ANKS1A: variants seen among roughly 807,000 people sequenced by gnomAD.
The protein encoded by ANKS1A is ankyrin repeat and SAM domain-containing protein 1A.
In ANKS1A, 55 loss-of-function variants were observed where a neutral mutation model predicts 120.3. The observed-to-expected ratio is 0.46, with a 90% CI of 0.37 to 0.57. The LOEUF (loss-of-function observed/expected upper bound fraction) is 0.57. ANKS1A is among the 20% of genes least tolerant of loss of function. The pLI is 0.00. For missense variants in ANKS1A, 1,123 were observed against 1,480.3 expected (o/e 0.76, Z 3.96); for synonymous variants, 590 against 604.7 (o/e 0.98, Z 0.36).
chr6:34,924,258 A>G (rs2473613), intron 1 of ANKS1A, among the ~76,000 whole-genome samples: 46,035 of 151,862 alleles, frequency 0.3, 9,696 homozygotes, highest in East Asian at 0.58. Flanking sequence ...ACTATCTTCA[A>G]GTTTCTTGTT....
Position 34,954,316 on chromosome 6 carries a change from C to G in ANKS1A, c.198-12923C>G, listed in dbSNP as rs150008896. On this transcript the variant is annotated intron_variant, in intron 1 of 23. Transcript: ENST00000360359. Reference sequence around the variant, plus strand: ...AGCAAATGTACAAGGAGGTTTCAAACAATTCGTCATTGCTCTTGGGAAACC... The same window carrying G: ...AGCAAATGTACAAGGAGGTTTCAAAGAATTCGTCATTGCTCTTGGGAAACC... Among the ~76,000 whole-genome samples the G allele has an allele frequency of 9.1e-4, 139 of 152,220 alleles. 1 individual carries two copies. The highest frequency in any genetic ancestry group is 3.2e-3 in the African/African-American group (134 of 41,520).
At chr6:35,080,653 C>T (rs1386450103) in intron 16 of ANKS1A, among the ~76,000 whole-genome samples, 2 of 152,248 alleles carry the variant, frequency 1.3e-5, no homozygotes, top group Admixed American at 1.3e-4. Context: ...GGATTGTATT[C>T]TGTTGGGGAC....
intron 1 of ANKS1A, among the ~76,000 whole-genome samples, chr6:34,941,255 G>A (rs1370139299): frequency 6.6e-6 from 1 of 152,076 alleles, no homozygotes; most frequent in Non-Finnish European, 1.5e-5. Flanking sequence ...CAAAGTGTTG[G>A]GATTACAGGT....
At chr6:35,067,848 T>G (rs974990537) in intron 13 of ANKS1A, among the ~76,000 whole-genome samples, 3 of 150,792 alleles carry the variant, frequency 2.0e-5, no homozygotes, top group African/African-American at 7.3e-5. Context: ...GATAGACTTA[T>G]GGGTAGCTTT....
intron 2 of ANKS1A, among the ~76,000 whole-genome samples, chr6:34,968,339 C>T (rs189038015): frequency 6.6e-6 from 1 of 152,180 alleles, no homozygotes; most frequent in Non-Finnish European, 1.5e-5. Flanking sequence ...GTGGGTTTGC[C>T]AGGATGTTGA....
chr6:35,071,732 G>C (rs1298659913), intron 13 of ANKS1A, among the ~76,000 whole-genome samples: 3 of 152,258 alleles, frequency 2.0e-5, no homozygotes, highest in Non-Finnish European at 4.4e-5. Flanking sequence ...TCTGCGGTTT[G>C]GATGTGTCAG....
intron 13 of ANKS1A, among the ~76,000 whole-genome samples, chr6:35,072,861 T>A (rs1265262863): frequency 1.3e-5 from 2 of 152,154 alleles, no homozygotes; most frequent in Non-Finnish European, 1.5e-5. Context: ...TCCTGCTGTC[T>A]GGCAGGCGTC....
intron 3 of ANKS1A, among the ~76,000 whole-genome samples, chr6:34,979,767 A>C (rs1406978282): frequency 6.6e-6 from 1 of 152,186 alleles, no homozygotes; most frequent in East Asian, 1.9e-4. Context: ...TGGAATTTTA[A>C]TAAGAATAAG....
intron 10 of ANKS1A, among the ~76,000 whole-genome samples, chr6:35,015,431 A>G (rs142112218): frequency 1.2e-3 from 180 of 152,328 alleles, no homozygotes; most frequent in Non-Finnish European, 2.2e-3. Flanking sequence ...CCCAGGAGGC[A>G]GAGGTTGCAG....
intron 11 of ANKS1A, among the ~76,000 whole-genome samples, chr6:35,019,424 G>A (rs1183256719): frequency 2.6e-5 from 4 of 152,230 alleles, no homozygotes; most frequent in African/African-American, 4.8e-5. Flanking sequence ...AAGGAACTGG[G>A]TTGGGGGTGG....
At chr6:34,956,713 T>C (rs1461360811) in intron 1 of ANKS1A, among the ~76,000 whole-genome samples, 1 of 152,200 alleles carries the variant, frequency 6.6e-6, no homozygotes, top group Non-Finnish European at 1.5e-5. Context: ...TGCTGGGATC[T>C]CATCATTCAA....
chr6:34,923,480 T>C (rs1178241940), intron 1 of ANKS1A, among the ~76,000 whole-genome samples: 2 of 152,208 alleles, frequency 1.3e-5, no homozygotes, highest in Non-Finnish European at 2.9e-5. Context: ...TTATCACATA[T>C]TGAATGCTTA....
chr6:34,962,847 C>T (rs183372271), intron 1 of ANKS1A, among the ~76,000 whole-genome samples: 1 of 150,958 alleles, frequency 6.6e-6, no homozygotes, highest in Admixed American at 6.6e-5. Flanking sequence ...GTGCTTTTTT[C>T]TTTCTTTCCT....
chr6:34,968,569 C>T (rs1581566536), intron 2 of ANKS1A, among the ~76,000 whole-genome samples: 1 of 152,132 alleles, frequency 6.6e-6, no homozygotes, highest in East Asian at 1.9e-4. Context: ...TCCTGAGTAG[C>T]TGGGATTACA....
Position 35,088,964 on chromosome 6 carries a change from A to C in ANKS1A, c.*355A>C. ...GGTCATACTGCCAATCTTTAGACAA[A>C]TGGCCATGGGGCAGAGGACAGGGGA... On this transcript the variant is annotated 3_prime_UTR_variant, in exon 24 of 24. Coordinates refer to ENST00000360359, the MANE Select transcript of ANKS1A (RefSeq NM_015245.3). 1 of 1,232,504 alleles carries C rather than the reference A, an allele frequency of 8.1e-7. No individual in the cohort carries two copies. Among genetic ancestry groups the C allele is most frequent in the Non-Finnish European group, 1.0e-6 (1 of 973,918 alleles). The allele number at this position is 1,232,504 out of a possible 1,614,324, so 76.3% of individuals were successfully genotyped here. A position where few individuals can be genotyped will look rare whatever the true frequency, so the allele number is the denominator to read the frequency against.
At chr6:35,012,832 A>AT (rs1036686977) in intron 10 of ANKS1A, among the ~76,000 whole-genome samples, 2 of 152,176 alleles carry the variant, frequency 1.3e-5, no homozygotes, top group Non-Finnish European at 2.9e-5. Context: ...TATGGGTAGC[A>AT]TAAGAAACAG....
At chr6:35,061,680 T>C (rs552263704) in intron 13 of ANKS1A, among the ~76,000 whole-genome samples, 37 of 152,390 alleles carry the variant, frequency 2.4e-4, no homozygotes, top group Non-Finnish European at 4.6e-4. Context: ...TTTTCAGCTT[T>C]TAGAAATCTT....
intron 1 of ANKS1A, among the ~76,000 whole-genome samples, chr6:34,894,114 C>T (rs866093750): frequency 2.6e-5 from 4 of 152,122 alleles, no homozygotes; most frequent in Non-Finnish European, 4.4e-5. Flanking sequence ...TGCATGCCTT[C>T]GGTCTATACC....
At chr6:34,983,010 G>A in intron 5 of ANKS1A, 103 bp from the exon 6 acceptor site, 2 of 1,307,604 alleles carry the variant, frequency 1.5e-6, no homozygotes, top group Non-Finnish European at 2.2e-6. Flanking sequence ...GATGAAAAAT[G>A]TTGGCCATGC....
Sources: allele counts gnomAD v4.1 joint callset (sites outside exome capture counted in the v4.1 genomes callset), GRCh38; gene constraint gnomAD v4.1.1; transcripts MANE v1.5; gene names NCBI Gene and HGNC (gene_info 2026-07-23, HGNC 2026-07-21).